Variants in STMP1 observed in about 807,000 individuals in gnomAD.
The protein encoded by STMP1 is short transmembrane mitochondrial protein 1, also known as mitolamban.
In STMP1, 7 loss-of-function variants were observed where a neutral mutation model predicts 7.0. That is an observed-to-expected ratio of 1.01 (90% confidence interval 0.57 to 1.89). STMP1 has a LOEUF of 1.89. Among genes scored for constraint, STMP1 ranks in the 40% most tolerant of loss-of-function variants. STMP1 has a pLI of 0.00. For missense variants in STMP1, 45 were observed against 53.0 expected, an observed-to-expected ratio of 0.85 and a Z score of 0.47; for synonymous variants, 19 against 18.4, an observed-to-expected ratio of 1.03 and a Z score of -0.08.
chr7:135,668,940 T>C (rs1795327473), intron 1 of STMP1, among the ~76,000 whole-genome samples: 1 of 152,168 alleles, frequency 6.6e-6, no homozygotes, highest in Non-Finnish European at 1.5e-5. Flanking sequence ...CGAGACTGGG[T>C]AATTTACATG....
chr7:135,665,879 T>C (rs12537886), intron 1 of STMP1, among the ~76,000 whole-genome samples: 8,899 of 151,810 alleles, frequency 0.059, 395 homozygotes, highest in Middle Eastern at 0.13. Context: ...GCCTATGATG[T>C]TGTTATTGTG....
At chr7:135,672,713 C>T in intron 1 of STMP1, 40 bp from the exon 2 acceptor site, 1 of 1,458,056 alleles carries the variant, frequency 6.9e-7, no homozygotes, top group Non-Finnish European at 9.4e-7. Flanking sequence ...TGGCACAGGA[C>T]TCGGCATGCA....
intron 1 of STMP1, among the ~76,000 whole-genome samples, chr7:135,669,780 T>C (rs1795338321): frequency 6.6e-6 from 1 of 152,232 alleles, no homozygotes; most frequent in African/African-American, 2.4e-5. Context: ...TCTATTTCTA[T>C]AGCAAAAAAT....
intron 1 of STMP1, among the ~76,000 whole-genome samples, chr7:135,663,311 A>C (rs1795255384): frequency 6.6e-6 from 1 of 152,160 alleles, no homozygotes; most frequent in Admixed American, 6.6e-5. Flanking sequence ...GCTATTGTGC[A>C]TTCAAAACTT....
intron 1 of STMP1, among the ~76,000 whole-genome samples, chr7:135,668,786 C>T (rs1169878538): frequency 6.6e-6 from 1 of 152,212 alleles, no homozygotes; most frequent in Non-Finnish European, 1.5e-5. Context: ...CTCAAATTCT[C>T]TTTTCCAGTC....
At chr7:135,668,838 A>G (rs1365825375) in intron 1 of STMP1, among the ~76,000 whole-genome samples, 1 of 152,006 alleles carries the variant, frequency 6.6e-6, no homozygotes, top group African/African-American at 2.4e-5. Context: ...GTCCATTCCC[A>G]TCTCGTGCCT....
intron 1 of STMP1, among the ~76,000 whole-genome samples, chr7:135,663,549 G>T (rs1795258995): frequency 6.6e-6 from 1 of 152,064 alleles, no homozygotes. Flanking sequence ...TCACCAAGTT[G>T]GCCAGGCTGG....
In STMP1 at chr7:135,674,346, C is replaced by A; in HGVS notation, c.*181C>A. ...GGGCCCCAATTTGAGAACTACCCGA[C>A]ATTTCCAACATACTCACCTCTTCCC... On this transcript the variant is annotated 3_prime_UTR_variant, in exon 3 of 3. Transcript: ENST00000507606. The A allele has an allele frequency of 1.8e-6, 1 of 553,020 alleles. No homozygotes were observed. Among genetic ancestry groups the A allele is most frequent in the South Asian group, 2.7e-5 (1 of 36,726 alleles). The allele number at this position is 553,020 out of a possible 1,614,324, so 34.3% of individuals were successfully genotyped here.
chr7:135,672,799 A>C lies in STMP1; in HGVS notation c.62A>C (p.Asn21Thr). 1 of 1,551,496 alleles carries C rather than the reference A, an allele frequency of 6.4e-7. No homozygotes were observed. Among genetic ancestry groups the C allele is most frequent in the Non-Finnish European group, 8.7e-7 (1 of 1,146,786 alleles). ...GNVVGMYLAQNYDIPNLAKKL... is the reference protein window; with the variant it reads ...GNVVGMYLAQTYDIPNLAKKL... ...GTGGTTGGAATGTATCTGGCTCAGA[A>C]CTATGATGTAAGTGGCCATATCCAT... Residue 21 changes from asparagine (N) to threonine (T), a missense_variant, in exon 2 of 3, where the codon AAC (asparagine) becomes ACC (threonine). By Grantham distance (65) the Asn-to-Thr change is moderately conservative. Coordinates refer to ENST00000507606, the MANE Select transcript of STMP1 (RefSeq NM_001130929.2).
chr7:135,667,622 C>A (rs1469205828), intron 1 of STMP1, among the ~76,000 whole-genome samples: 6 of 152,198 alleles, frequency 3.9e-5, no homozygotes, highest in Non-Finnish European at 5.9e-5. Context: ...TATTTTATCT[C>A]ATTCTGTGTG....
At position 135,675,206 on chromosome 7, in the gene STMP1, T is replaced by C. The variant is rs1214057780; in HGVS notation, c.*1041T>C. The stretch of plus-strand genomic sequence containing the variant: ...GGGACAAGATACAAAAGTAATTTCA[T>C]ATAAAGGGCCTCTCCCACCCCTGTT... On this transcript the variant is annotated 3_prime_UTR_variant, in exon 3 of 3. Coordinates refer to ENST00000507606, the MANE Select transcript of STMP1 (RefSeq NM_001130929.2). 2 of 152,180 alleles carry C rather than the reference T, an allele frequency of 1.3e-5. No homozygotes were observed. Among genetic ancestry groups the C allele is most frequent in the African/African-American group, 2.4e-5 (1 of 41,450 alleles). 9.4% of individuals were successfully genotyped at this position (152,180 alleles called of 1,614,324 possible). A position where few individuals can be genotyped will look rare whatever the true frequency, so the allele number is the denominator to read the frequency against.
Position 135,674,227 on chromosome 7 carries a change from C to CT in STMP1, c.*63dup, listed in dbSNP as rs555457599. The CT allele has an allele frequency of 5.2e-5, 64 of 1,224,612 alleles. No individual in the cohort carries two copies. In the East Asian group the frequency reaches 1.6e-3, roughly 30 times the overall value. 75.9% of individuals were successfully genotyped at this position (1,224,612 alleles called of 1,614,324 possible). ...CTACTGCTCTTGAGGGCCTCGTTTA[C>CT]TATCTGAACCAAAAGCTTTTGTTTT... On this transcript the variant is annotated 3_prime_UTR_variant, in exon 3 of 3. Transcript: ENST00000507606.
intron 2 of STMP1, 166 bp downstream of exon 2, chr7:135,672,972 A>G: frequency 1.6e-6 from 1 of 624,952 alleles, no homozygotes; most frequent in East Asian, 2.8e-5. Context: ...AAAGTAATCC[A>G]ACTCATGAAA....
chr7:135,673,751 C>T (rs1219263698), intron 2 of STMP1, among the ~76,000 whole-genome samples: 1 of 152,136 alleles, frequency 6.6e-6, no homozygotes, highest in Non-Finnish European at 1.5e-5. Context: ...CCAGCCTGGG[C>T]AGTGTGACGA....
At position 135,674,296 on chromosome 7, in the gene STMP1, T is replaced by A; in HGVS notation, c.*131T>A. On this transcript the variant is annotated 3_prime_UTR_variant, in exon 3 of 3. Transcript: ENST00000507606. The stretch of plus-strand genomic sequence containing the variant: ...TTCTCTTCTTTGCTAGACCCTGTGT[T>A]TTTTGCTTTAAAGCAAGCAAAATGG... 4.1e-6 allele frequency: 3 copies of A among 728,466 alleles called. No homozygotes were observed. In the South Asian group the frequency reaches 6.8e-5, roughly 17 times the overall value. The allele number at this position is 728,466 out of a possible 1,614,324, so 45.1% of individuals were successfully genotyped here. A position where few individuals can be genotyped will look rare whatever the true frequency, so the allele number is the denominator to read the frequency against.
chr7:135,670,300 T>G (rs954402200), intron 1 of STMP1, among the ~76,000 whole-genome samples: 3 of 152,132 alleles, frequency 2.0e-5, no homozygotes, highest in African/African-American at 7.2e-5. Context: ...GACCATGTGA[T>G]ATGGGGGAAG....
chr7:135,669,221 G>C (rs543243549), intron 1 of STMP1, among the ~76,000 whole-genome samples: 1 of 152,238 alleles, frequency 6.6e-6, no homozygotes, highest in Non-Finnish European at 1.5e-5. Context: ...ATTTGGGTGG[G>C]AACACAGCCA....
chr7:135,669,868 TG>T (rs1279980276), intron 1 of STMP1, among the ~76,000 whole-genome samples: 1 of 152,248 alleles, frequency 6.6e-6, no homozygotes, highest in East Asian at 1.9e-4. Context: ...TGCTACCAAA[TG>T]AGTTATGATG....
intron 1 of STMP1, among the ~76,000 whole-genome samples, chr7:135,669,498 A>G (rs1795336120): frequency 6.6e-6 from 1 of 152,186 alleles, no homozygotes; most frequent in Non-Finnish European, 1.5e-5. Flanking sequence ...GGCAGAGATC[A>G]TTTTTAATCC....
Sources: allele counts gnomAD v4.1 joint callset (sites outside exome capture counted in the v4.1 genomes callset), GRCh38; gene constraint gnomAD v4.1.1; transcripts MANE v1.5; gene names NCBI Gene and HGNC (gene_info 2026-07-23, HGNC 2026-07-21).